TPD52L1: variants seen among roughly 807,000 people sequenced by gnomAD.
TPD52L1 encodes the protein TPD52 like 1, also known as tumor protein D53.
TPD52L1 carries 18 observed loss-of-function variants against 28.7 expected under a neutral mutation model. The observed-to-expected ratio is 0.63, with a 90% CI of 0.43 to 0.93. The LOEUF (loss-of-function observed/expected upper bound fraction) is 0.93. TPD52L1 is among the 40% of genes least tolerant of loss of function. TPD52L1 has a pLI of 0.00. For missense variants in TPD52L1, 203 were observed against 254.8 expected (o/e 0.80, Z 1.39); for synonymous variants, 75 against 88.8 (o/e 0.84, Z 0.88).
At chr6:125,204,988 T>C (rs1366364045) in intron 1 of TPD52L1, among the ~76,000 whole-genome samples, 1 of 152,208 alleles carries the variant, frequency 6.6e-6, no homozygotes, top group African/African-American at 2.4e-5. Flanking sequence ...TTAAGTCACC[T>C]AACTCTTTAT....
At chr6:125,211,603 T>C (rs538943387) in intron 1 of TPD52L1, among the ~76,000 whole-genome samples, 33 of 152,286 alleles carry the variant, frequency 2.2e-4, no homozygotes, top group African/African-American at 7.9e-4. Flanking sequence ...CTCTCAAAGG[T>C]TCAAGTAGGT....
intron 1 of TPD52L1, 32 bp downstream of exon 1, chr6:125,154,002 G>T: frequency 6.3e-7 from 1 of 1,595,746 alleles, no homozygotes. Context: ...CGAGAGTCAG[G>T]TCCTGGGGCG....
At chr6:125,182,391 G>C (rs1180300004) in intron 1 of TPD52L1, among the ~76,000 whole-genome samples, 1 of 152,142 alleles carries the variant, frequency 6.6e-6, no homozygotes, top group African/African-American at 2.4e-5. Context: ...TGAGCAAAGT[G>C]TTGCAGGAGT....
rs191051458 is a variant in TPD52L1, at chr6:125,218,842, G to A, written c.20-1236G>A. On this transcript the variant is annotated intron_variant, in intron 1 of 6. Transcript: ENST00000534000. Reference sequence around the variant, plus strand: ...AGCTAAAAACGGGTCCTTGTCACACGACCATGAAAGATTAGGCTTGCAGAC... The same window carrying A: ...AGCTAAAAACGGGTCCTTGTCACACAACCATGAAAGATTAGGCTTGCAGAC... Among the ~76,000 whole-genome samples the A allele has an allele frequency of 2.2e-3, 339 of 152,260 alleles. 5 individuals carry two copies. The highest frequency in any genetic ancestry group is 7.8e-3 in the African/African-American group (325 of 41,562).
At chr6:125,188,502 A>G (rs1023838303) in intron 1 of TPD52L1, among the ~76,000 whole-genome samples, 2 of 152,182 alleles carry the variant, frequency 1.3e-5, no homozygotes, top group Non-Finnish European at 2.9e-5. Flanking sequence ...AAAAACTGAC[A>G]CAGGGTAACA....
chr6:125,180,212 C>A (rs977690614), intron 1 of TPD52L1, among the ~76,000 whole-genome samples: 7 of 152,012 alleles, frequency 4.6e-5, no homozygotes, highest in Admixed American at 1.3e-4. Flanking sequence ...CTGCACAGCC[C>A]TTGTTTATTT....
At chr6:125,250,154 G>A (rs1270391336) in intron 4 of TPD52L1, among the ~76,000 whole-genome samples, 1 of 152,118 alleles carries the variant, frequency 6.6e-6, no homozygotes, top group East Asian at 1.9e-4. Context: ...TCTTCATACT[G>A]TGTTGAAATC....
At chr6:125,165,782 C>G (rs1790858163) in intron 1 of TPD52L1, among the ~76,000 whole-genome samples, 1 of 152,044 alleles carries the variant, frequency 6.6e-6, no homozygotes, top group Non-Finnish European at 1.5e-5. Context: ...AGAACTGATT[C>G]AAGATTAAAA....
chr6:125,264,226 A>G lies in TPD52L1; in HGVS notation c.*1264A>G, dbSNP rs1798204665. 1 of 152,212 alleles carries G rather than the reference A, an allele frequency of 6.6e-6. No individual in the cohort carries two copies. The highest frequency in any genetic ancestry group is 2.4e-5 in the African/African-American group (1 of 41,454). 9.4% of individuals were successfully genotyped at this position (152,212 alleles called of 1,614,324 possible). ...TATTAGGTGGCAGAGATATAGCCTT[A>G]AGATATATTTGTAAAATGCACACTG... On this transcript the variant is annotated 3_prime_UTR_variant, in exon 7 of 7. Transcript: ENST00000534000.
intron 1 of TPD52L1, among the ~76,000 whole-genome samples, chr6:125,156,479 AAGAG>A (rs56275042): frequency 2.3e-5 from 3 of 132,094 alleles, no homozygotes; most frequent in South Asian, 2.6e-4. Flanking sequence ...AAAAAAAAAA[AAGAG>A]AGAGATACAA....
At chr6:125,219,450 G>C (rs893545908) in intron 1 of TPD52L1, among the ~76,000 whole-genome samples, 5 of 152,186 alleles carry the variant, frequency 3.3e-5, no homozygotes, top group African/African-American at 9.7e-5. Flanking sequence ...TGGAAAAAAG[G>C]CTTCATATTT....
At chr6:125,262,560 C>T in intron 6 of TPD52L1, 1 of 326,616 alleles carries the variant, frequency 3.1e-6, no homozygotes, top group South Asian at 3.9e-5. Flanking sequence ...TCCGATTATG[C>T]TCCTGAAGGG....
At chr6:125,224,567 A>C (rs1795475279) in intron 2 of TPD52L1, among the ~76,000 whole-genome samples, 1 of 151,940 alleles carries the variant, frequency 6.6e-6, no homozygotes, top group South Asian at 2.1e-4. Flanking sequence ...CATAACCATA[A>C]TATCTTATTG....
intron 1 of TPD52L1, among the ~76,000 whole-genome samples, chr6:125,199,079 C>A (rs1297343229): frequency 6.6e-6 from 1 of 152,200 alleles, no homozygotes; most frequent in Non-Finnish European, 1.5e-5. Context: ...CCTATCAAAT[C>A]TAAACCTTGC....
chr6:125,169,733 G>C (rs927150430), intron 1 of TPD52L1, among the ~76,000 whole-genome samples: 1 of 152,106 alleles, frequency 6.6e-6, no homozygotes, highest in Admixed American at 6.6e-5. Flanking sequence ...TCCCTGCCTT[G>C]GTCCTGGACT....
At chr6:125,193,996 G>T (rs1396418426) in intron 1 of TPD52L1, among the ~76,000 whole-genome samples, 3 of 147,246 alleles carry the variant, frequency 2.0e-5, no homozygotes, top group African/African-American at 7.5e-5. Context: ...GATAAATAGA[G>T]AATTTTGTGG....
intron 1 of TPD52L1, chr6:125,154,616 G>C: frequency 1.2e-6 from 1 of 836,262 alleles, no homozygotes; most frequent in Non-Finnish European, 1.4e-6. Flanking sequence ...CCCTGCTCCC[G>C]GGGCTGCCTG....
intron 3 of TPD52L1, among the ~76,000 whole-genome samples, chr6:125,235,131 T>TAAA (rs1554214581): frequency 4.6e-4 from 69 of 149,908 alleles, no homozygotes; most frequent in Middle Eastern, 3.5e-3. Context: ...ATAATAATAA[T>TAAA]AAAACACCAA....
At chr6:125,254,955 T>C (rs1797508220) in intron 5 of TPD52L1, among the ~76,000 whole-genome samples, 1 of 152,228 alleles carries the variant, frequency 6.6e-6, no homozygotes, top group Admixed American at 6.5e-5. Context: ...GATTTGGAAA[T>C]TCACCCTCAG....
Sources: gnomAD v4.1 joint callset for allele counts (sites outside exome capture counted in the v4.1 genomes callset) on GRCh38, gnomAD v4.1.1 for gene constraint, MANE v1.5 for transcripts, NCBI Gene and HGNC (gene_info 2026-07-23, HGNC 2026-07-21) for gene names.